CERKL: variants seen among roughly 807,000 people sequenced by gnomAD.
CERKL encodes the protein CERK like autophagy regulator, also known as ceramide kinase-like protein.
In CERKL, 61 loss-of-function variants were observed where a neutral mutation model predicts 63.4. The observed-to-expected ratio is 0.96, with a 90% CI of 0.78 to 1.19. The LOEUF is 1.19. Ranked by LOEUF, CERKL falls within the 50% of genes most tolerant of loss-of-function variation. CERKL has a pLI of 0.00. For synonymous variants in CERKL, 250 were observed against 230.5 expected (o/e 1.08, Z -0.77); for missense variants, 675 against 655.5 (o/e 1.03, Z -0.33).
At chr2:181,624,354 C>T (rs1453836523) in intron 1 of CERKL, among the ~76,000 whole-genome samples, 1 of 150,084 alleles carries the variant, frequency 6.7e-6, no homozygotes, top group African/African-American at 2.5e-5. Flanking sequence ...AAAGGGAGAC[C>T]CCATCTCTAG....
chr2:181,619,096 GC>G (rs61487248), intron 1 of CERKL, among the ~76,000 whole-genome samples: 27,285 of 151,992 alleles, frequency 0.18, 3,878 homozygotes, highest in African/African-American at 0.4. Context: ...AATGTGATTG[GC>G]TTTCATCATT....
chr2:181,564,110 T>A (rs922568232), intron 4 of CERKL, among the ~76,000 whole-genome samples: 2 of 152,174 alleles, frequency 1.3e-5, no homozygotes, highest in African/African-American at 4.8e-5. Flanking sequence ...CGTGCCCAGT[T>A]CACAATAGGG....
At chr2:181,555,006 T>C (rs1488480352) in intron 5 of CERKL, among the ~76,000 whole-genome samples, 1 of 152,182 alleles carries the variant, frequency 6.6e-6, no homozygotes, top group African/African-American at 2.4e-5. Flanking sequence ...AAAATGGCAT[T>C]ACTACAAATA....
intron 1 of CERKL, among the ~76,000 whole-genome samples, chr2:181,634,358 CT>C (rs1337319986): frequency 6.6e-6 from 1 of 152,030 alleles, no homozygotes; most frequent in Non-Finnish European, 1.5e-5. Flanking sequence ...CAGTTGGTGT[CT>C]AAAATAATAG....
chr2:181,600,380 C>T (rs974033195), intron 2 of CERKL, among the ~76,000 whole-genome samples: 32 of 152,138 alleles, frequency 2.1e-4, no homozygotes, highest in African/African-American at 7.2e-4. Context: ...TAACTTAGAA[C>T]ATAAATGGCC....
In CERKL at chr2:181,581,799, G is replaced by A. The variant is rs76391824; in HGVS notation, c.482-7915C>T. On this transcript the variant is annotated intron_variant, in intron 2 of 12. Transcript: ENST00000410087. ...TGATCTGTTTGCAGGTAGAACACTT[G>A]GCAATAGTGGCAATTCAATCAACCT... Among the ~76,000 whole-genome samples, 229 of 152,262 alleles carry A rather than the reference G, an allele frequency of 1.5e-3. 7 individuals carry two copies. The East Asian group carries it at 0.034, about 22-fold the overall frequency.
chr2:181,584,136 C>G (rs139482479), intron 2 of CERKL, among the ~76,000 whole-genome samples: 31 of 152,264 alleles, frequency 2.0e-4, no homozygotes, highest in African/African-American at 6.3e-4. Context: ...TGGGTGCCCA[C>G]TGGAATACTG....
At chr2:181,570,782 T>C (rs750828660) in intron 3 of CERKL, among the ~76,000 whole-genome samples, 5 of 152,194 alleles carry the variant, frequency 3.3e-5, no homozygotes, top group Non-Finnish European at 7.4e-5. Context: ...CAGTACCTTA[T>C]AGTGTATATA....
intron 1 of CERKL, among the ~76,000 whole-genome samples, chr2:181,648,502 A>T (rs554855135): frequency 1.3e-5 from 2 of 152,318 alleles, no homozygotes; most frequent in African/African-American, 4.8e-5. Flanking sequence ...ACAAAAGCTG[A>T]GGGAATTCAC....
intron 3 of CERKL, among the ~76,000 whole-genome samples, chr2:181,569,452 G>C (rs1437186056): frequency 1.3e-5 from 2 of 152,116 alleles, no homozygotes. Context: ...GCTTCAAGTA[G>C]AGCCATAAAC....
intron 4 of CERKL, among the ~76,000 whole-genome samples, chr2:181,564,769 C>G (rs1394890974): frequency 2.6e-5 from 4 of 152,148 alleles, no homozygotes; most frequent in Non-Finnish European, 4.4e-5. Flanking sequence ...TTCATGTACT[C>G]ATGAGGTCTA....
At chr2:181,587,173 G>C (rs1684803075) in intron 2 of CERKL, among the ~76,000 whole-genome samples, 1 of 152,078 alleles carries the variant, frequency 6.6e-6, no homozygotes, top group African/African-American at 2.4e-5. Context: ...ATCCACAAAA[G>C]CTTATAGATG....
intron 5 of CERKL, among the ~76,000 whole-genome samples, chr2:181,552,098 AACTT>A (rs930377501): frequency 6.6e-6 from 1 of 152,136 alleles, no homozygotes; most frequent in African/African-American, 2.4e-5. Context: ...GAATCTGAAA[AACTT>A]AAACTCATAA....
intron 2 of CERKL, among the ~76,000 whole-genome samples, chr2:181,598,887 T>C (rs1353444345): frequency 6.8e-6 from 1 of 147,896 alleles, no homozygotes; most frequent in African/African-American, 2.5e-5. Flanking sequence ...AAAAAAAAAG[T>C]TTAAGTCCCG....
intron 2 of CERKL, among the ~76,000 whole-genome samples, chr2:181,598,318 T>C (rs1486289673): frequency 6.6e-6 from 1 of 152,142 alleles, no homozygotes; most frequent in Non-Finnish European, 1.5e-5. Flanking sequence ...GAGGGGCATA[T>C]GCATAACCTA....
Position 181,537,955 on chromosome 2 carries a change from A to T in CERKL, c.*229T>A. 1 of 636,946 alleles carries T rather than the reference A, an allele frequency of 1.6e-6. No individual in the cohort carries two copies. The highest frequency in any genetic ancestry group is 1.5e-5 in the South Asian group (1 of 66,012). 39.5% of individuals were successfully genotyped at this position (636,946 alleles called of 1,614,324 possible). ...AGATTCTCATAGAAGTGCGAACCATATGGTGAACTGGTATGTGAGGGATCT... is the reference window on the plus strand; with the variant it reads ...AGATTCTCATAGAAGTGCGAACCATTTGGTGAACTGGTATGTGAGGGATCT... On this transcript the variant is annotated 3_prime_UTR_variant, in exon 13 of 13. Transcript: ENST00000410087.
Position 181,537,842 on chromosome 2 carries a change from A to ATTAGGATATCCGT in CERKL, c.*329_*341dup. ...CTAATTGTTAGTAACATCAATTTCTATTAGGATATCCGTTTGGCCACACAG... is the reference window on the plus strand; with the variant it reads ...CTAATTGTTAGTAACATCAATTTCTATTAGGATATCCGTTTAGGATATCCGTTTGGCCACACAG... On this transcript the variant is annotated 3_prime_UTR_variant, in exon 13 of 13. Coordinates refer to ENST00000410087, the MANE Select transcript of CERKL (RefSeq NM_201548.5). 2.0e-6 allele frequency: 1 copy of ATTAGGATATCCGT among 492,346 alleles called. No homozygotes were observed. The highest frequency in any genetic ancestry group is 4.0e-6 in the Non-Finnish European group (1 of 252,402). The allele number at this position is 492,346 out of a possible 1,614,324, so 30.5% of individuals were successfully genotyped here.
In CERKL at chr2:181,536,994, AGGCCTGCAGTGATGGTGAGGAAT is replaced by A. The variant is rs1398396983; in HGVS notation, c.*1167_*1189del. The A allele has an allele frequency of 1.6e-5, 7 of 449,428 alleles. No individual in the cohort carries two copies. Among genetic ancestry groups the A allele is most frequent in the Non-Finnish European group, 3.1e-5 (7 of 224,970 alleles). The allele number at this position is 449,428 out of a possible 1,614,324, so 27.8% of individuals were successfully genotyped here. A position where few individuals can be genotyped will look rare whatever the true frequency, so the allele number is the denominator to read the frequency against. ...TAATTGATGAAAGTTATCTGTTCAC[AGGCCTGCAGTGATGGTGAGGAAT>A]GTTCTGAGATTTGCGAAGGCATTTG... On this transcript the variant is annotated 3_prime_UTR_variant, in exon 13 of 13. Transcript: ENST00000410087.
intron 2 of CERKL, among the ~76,000 whole-genome samples, chr2:181,586,032 G>A (rs996106107): frequency 2.0e-5 from 3 of 152,066 alleles, no homozygotes; most frequent in Non-Finnish European, 4.4e-5. Context: ...ATGAAGCCAA[G>A]ACAAAATTCA....
Sources: gnomAD v4.1 joint callset for allele counts (sites outside exome capture counted in the v4.1 genomes callset) on GRCh38, gnomAD v4.1.1 for gene constraint, MANE v1.5 for transcripts, NCBI Gene and HGNC (gene_info 2026-07-23, HGNC 2026-07-21) for gene names.